The following SHISA9 variants were observed in gnomAD, a reference collection of about 807,000 sequenced individuals.
SHISA9 encodes protein shisa-9.
In SHISA9, 13 loss-of-function variants were observed where a neutral mutation model predicts 38.0. The observed-to-expected ratio is 0.34, with a 90% CI of 0.22 to 0.54. The LOEUF is 0.54. Ranked by LOEUF, SHISA9 falls within the 20% of genes least tolerant of loss-of-function variation. SHISA9 has a pLI of 0.91. For synonymous variants in SHISA9, 275 were observed against 242.0 expected, an observed-to-expected ratio of 1.14 and a Z score of -1.27; for missense variants, 538 against 575.8, an observed-to-expected ratio of 0.93 and a Z score of 0.67.
chr16:13,383,253 C>A, the SHISA9 span, among the ~76,000 whole-genome samples: 1 of 151,952 alleles, frequency 6.6e-6, no homozygotes, highest in Non-Finnish European at 1.5e-5. Flanking sequence ...ATCTGGAGGA[C>A]GTGGGAATGG....
chr16:13,234,984 C>CTCTT, intron 4 of SHISA9, 46 bp from the exon 5 acceptor site: 1 of 1,492,904 alleles, frequency 6.7e-7, no homozygotes, highest in Non-Finnish European at 9.0e-7. Context: ...CTCTCTCTCT[C>CTCTT]TCTTCTCTTT....
intron 2 of SHISA9, among the ~76,000 whole-genome samples, chr16:13,122,961 T>A (rs1324673214): frequency 6.6e-6 from 1 of 151,362 alleles, no homozygotes; most frequent in African/African-American, 2.4e-5. Flanking sequence ...GCAGGAGAAT[T>A]GCTTGAACCC....
chr16:13,388,310 ATTTTTT>A, the SHISA9 span, among the ~76,000 whole-genome samples: 2 of 140,300 alleles, frequency 1.4e-5, no homozygotes, highest in Admixed American at 7.2e-5. Flanking sequence ...AATTTGGGGA[ATTTTTT>A]TTTTTTTTTT....
chr16:13,152,069 C>T (rs1489011959), intron 2 of SHISA9, among the ~76,000 whole-genome samples: 2 of 152,156 alleles, frequency 1.3e-5, no homozygotes, highest in African/African-American at 4.8e-5. Flanking sequence ...GAAAACAAAG[C>T]AGAAACCTTA....
the SHISA9 span, among the ~76,000 whole-genome samples, chr16:13,249,782 C>A: frequency 6.6e-6 from 1 of 152,138 alleles, no homozygotes. Context: ...GTCACCCAAG[C>A]TAGAGTGCAG....
chr16:13,097,219 G>T (rs2073836806), intron 2 of SHISA9, among the ~76,000 whole-genome samples: 1 of 152,100 alleles, frequency 6.6e-6, no homozygotes, highest in Non-Finnish European at 1.5e-5. Context: ...ATGTTACATT[G>T]GGAGGAATTG....
Position 13,099,587 on chromosome 16 carries a change from C to T in SHISA9, c.692-103807C>T, listed in dbSNP as rs1349992414. ...TCGGGAAGTGTTCCAAGCAGAGGGA[C>T]CAGCAACTGCAAAGGCCCTGAGGCA... On this transcript the variant is annotated intron_variant, in intron 2 of 4. Coordinates refer to ENST00000558583, the MANE Select transcript of SHISA9 (RefSeq NM_001145204.3). Among the ~76,000 whole-genome samples, 3 of 152,002 alleles carry T rather than the reference C, an allele frequency of 2.0e-5. No homozygotes were observed. The East Asian group carries it at 5.8e-4, about 29-fold the overall frequency.
chr16:13,053,387 A>G (rs2073274894), intron 2 of SHISA9, among the ~76,000 whole-genome samples: 2 of 152,138 alleles, frequency 1.3e-5, no homozygotes, highest in Non-Finnish European at 2.9e-5. Flanking sequence ...CCAAGTCTCC[A>G]TCATCATTCA....
At chr16:13,160,447 C>A in intron 2 of SHISA9, among the ~76,000 whole-genome samples, 1 of 152,192 alleles carries the variant, frequency 6.6e-6, no homozygotes, top group African/African-American at 2.4e-5. Flanking sequence ...ATCCCTCCTC[C>A]AGTAATATAT....
At chr16:13,151,010 C>G (rs978914543) in intron 2 of SHISA9, among the ~76,000 whole-genome samples, 1 of 152,088 alleles carries the variant, frequency 6.6e-6, no homozygotes. Flanking sequence ...CAATTATTAC[C>G]GACTTCACTT....
At chr16:12,985,141 CA>C (rs2072290168) in intron 2 of SHISA9, among the ~76,000 whole-genome samples, 1 of 151,936 alleles carries the variant, frequency 6.6e-6, no homozygotes, top group South Asian at 2.1e-4. Flanking sequence ...CCGTTTCCAT[CA>C]AAAGGAGGTG....
intron 2 of SHISA9, among the ~76,000 whole-genome samples, chr16:13,033,746 A>G (rs79115625): frequency 0.031 from 4,790 of 152,268 alleles, 166 homozygotes; most frequent in South Asian, 0.15. Flanking sequence ...GATGTCCATG[A>G]TAAGGAAGTT....
the SHISA9 span, among the ~76,000 whole-genome samples, chr16:13,531,089 C>T: frequency 4.6e-5 from 7 of 152,128 alleles, no homozygotes; most frequent in Non-Finnish European, 8.8e-5. Context: ...CCTGAATCAA[C>T]CTCCATTGAA....
intron 2 of SHISA9, among the ~76,000 whole-genome samples, chr16:13,165,802 G>A (rs1259430187): frequency 6.6e-6 from 1 of 152,072 alleles, no homozygotes; most frequent in Admixed American, 6.6e-5. Flanking sequence ...AGGGTGGTTG[G>A]GGGTTTATCG....
chr16:13,299,302 T>C, the SHISA9 span, among the ~76,000 whole-genome samples: 1 of 152,226 alleles, frequency 6.6e-6, no homozygotes, highest in East Asian at 1.9e-4. Context: ...TAGACCCTCC[T>C]TCACTCTTCG....
intron 2 of SHISA9, among the ~76,000 whole-genome samples, chr16:13,039,161 G>A (rs867610166): frequency 3.9e-5 from 6 of 152,050 alleles, no homozygotes; most frequent in South Asian, 2.1e-4. Flanking sequence ...CACCTGCCTC[G>A]GCCTCCCAAA....
chr16:13,470,527 G>C, the SHISA9 span, among the ~76,000 whole-genome samples: 2 of 152,186 alleles, frequency 1.3e-5, no homozygotes, highest in Admixed American at 6.5e-5. Flanking sequence ...AGCTTGTGCA[G>C]AGGAACTGCC....
chr16:13,439,268 A>G, the SHISA9 span, among the ~76,000 whole-genome samples: 14 of 152,268 alleles, frequency 9.2e-5, no homozygotes, highest in South Asian at 2.7e-3. Flanking sequence ...ACAAACTTTC[A>G]ATTTTAAGAT....
At chr16:13,396,631 G>T in the SHISA9 span, among the ~76,000 whole-genome samples, 1 of 152,202 alleles carries the variant, frequency 6.6e-6, no homozygotes, top group Non-Finnish European at 1.5e-5. Context: ...CAGAAATCTG[G>T]CATGTGGATT....
Sources: gnomAD v4.1 joint callset for allele counts (sites outside exome capture counted in the v4.1 genomes callset) on GRCh38, gnomAD v4.1.1 for gene constraint, MANE v1.5 for transcripts, NCBI Gene and HGNC (gene_info 2026-07-23, HGNC 2026-07-21) for gene names.